Variants in VPS53 observed in about 807,000 individuals in gnomAD.
VPS53 encodes the protein VPS53 subunit of GARP complex.
VPS53 carries 70 observed loss-of-function variants against 107.0 expected under a neutral mutation model. The observed-to-expected ratio is 0.65, with a 90% confidence interval of 0.54 to 0.80. The LOEUF (loss-of-function observed/expected upper bound fraction) is 0.80. VPS53 is among the 30% of genes least tolerant of loss of function. The probability of loss-of-function intolerance (pLI) is 0.00; values close to 1 mark genes in which losing one functional copy is unlikely to be tolerated. For synonymous variants in VPS53, 409 were observed against 393.3 expected, an observed-to-expected ratio of 1.04 and a Z score of -0.47; for missense variants, 917 against 1,049.4, an observed-to-expected ratio of 0.87 and a Z score of 1.74.
At chr17:688,706 T>C (rs1030951017) in intron 4 of VPS53, among the ~76,000 whole-genome samples, 1 of 152,106 alleles carries the variant, frequency 6.6e-6, no homozygotes, top group Non-Finnish European at 1.5e-5. Flanking sequence ...CGGATTCAAC[T>C]TGACAAAGGC....
chr17:711,623 T>A (rs1973645634), intron 1 of VPS53, among the ~76,000 whole-genome samples: 1 of 152,134 alleles, frequency 6.6e-6, no homozygotes, highest in Non-Finnish European at 1.5e-5. Context: ...AACTATTTCC[T>A]CAAGTTGCTC....
At chr17:561,043 G>T (rs1912914625) in intron 14 of VPS53, among the ~76,000 whole-genome samples, 1 of 152,012 alleles carries the variant, frequency 6.6e-6, no homozygotes, top group South Asian at 2.1e-4. Flanking sequence ...TGTGGAGGAG[G>T]ACATAAGTGA....
At chr17:638,473 T>G (rs568502600) in intron 7 of VPS53, among the ~76,000 whole-genome samples, 1 of 152,332 alleles carries the variant, frequency 6.6e-6, no homozygotes, top group Non-Finnish European at 1.5e-5. Flanking sequence ...GTTAGCTGGT[T>G]ATTTTGCTCG....
At chr17:658,863 G>T (rs900030722) in intron 5 of VPS53, among the ~76,000 whole-genome samples, 2 of 152,116 alleles carry the variant, frequency 1.3e-5, no homozygotes, top group Non-Finnish European at 2.9e-5. Flanking sequence ...TGCTCTTTCA[G>T]GGTCTGATCA....
At chr17:581,931 C>T (rs1028880311) in intron 13 of VPS53, among the ~76,000 whole-genome samples, 11 of 150,924 alleles carry the variant, frequency 7.3e-5, no homozygotes, top group African/African-American at 2.2e-4. Context: ...CCCTGAGGAC[C>T]TCAATGTGTT....
At chr17:533,028 T>A (rs1191024984) in intron 18 of VPS53, 117 bp from the exon 19 acceptor site, 2 of 1,457,498 alleles carry the variant, frequency 1.4e-6, no homozygotes, top group East Asian at 2.5e-5. Flanking sequence ...AGAATCGAAG[T>A]GGACTCCACT....
intron 1 of VPS53, among the ~76,000 whole-genome samples, chr17:712,372 G>A (rs1973677876): frequency 6.7e-6 from 1 of 150,312 alleles, no homozygotes; most frequent in South Asian, 2.1e-4. Context: ...GGAGAGACGG[G>A]GTTTCACCAT....
intron 4 of VPS53, among the ~76,000 whole-genome samples, chr17:694,551 T>G (rs867341010): frequency 6.6e-6 from 1 of 152,228 alleles, no homozygotes; most frequent in African/African-American, 2.4e-5. Flanking sequence ...CCATTCCAAA[T>G]GTAGGCTGAA....
intron 4 of VPS53, among the ~76,000 whole-genome samples, chr17:662,813 G>A (rs1160206914): frequency 2.0e-5 from 3 of 146,622 alleles, no homozygotes; most frequent in Admixed American, 7.0e-5. Flanking sequence ...AAGAAAAAAA[G>A]AAAGAAAGAG....
intron 2 of VPS53, among the ~76,000 whole-genome samples, chr17:708,313 G>C (rs1006219938): frequency 3.3e-5 from 5 of 152,206 alleles, no homozygotes; most frequent in African/African-American, 9.7e-5. Flanking sequence ...ACATGTCCAC[G>C]TGACAGGGGG....
At chr17:551,805 A>C in intron 17 of VPS53, 67 bp downstream of exon 17, 3 of 1,374,506 alleles carry the variant, frequency 2.2e-6, no homozygotes, top group Non-Finnish European at 3.0e-6. Context: ...GCTACAGACA[A>C]GGGCCAGTAG....
chr17:578,444 TC>T (rs1914841018), intron 13 of VPS53, among the ~76,000 whole-genome samples: 1 of 148,516 alleles, frequency 6.7e-6, no homozygotes, highest in East Asian at 2.0e-4. Flanking sequence ...CCAGACAACT[TC>T]CCTCAGAACC....
intron 13 of VPS53, among the ~76,000 whole-genome samples, chr17:579,128 A>G (rs1204434512): frequency 6.6e-6 from 1 of 150,630 alleles, no homozygotes; most frequent in African/African-American, 2.5e-5. Flanking sequence ...AACATCCCTC[A>G]GAACCTAATG....
At chr17:540,924 T>C (rs940924066) in intron 17 of VPS53, among the ~76,000 whole-genome samples, 1 of 152,178 alleles carries the variant, frequency 6.6e-6, no homozygotes, top group Non-Finnish European at 1.5e-5. Flanking sequence ...GAGTCTACTG[T>C]AGCAGGAACT....
intron 4 of VPS53, among the ~76,000 whole-genome samples, chr17:693,721 G>T (rs1267044004): frequency 6.6e-6 from 1 of 152,234 alleles, no homozygotes; most frequent in East Asian, 1.9e-4. Context: ...GCAGGACCCT[G>T]TCCCTAACAT....
chr17:613,722 C>A (rs1475993663), intron 11 of VPS53, among the ~76,000 whole-genome samples: 2 of 151,238 alleles, frequency 1.3e-5, no homozygotes, highest in Non-Finnish European at 2.9e-5. Flanking sequence ...TGAGTTCACA[C>A]AGTGAAAACC....
intron 11 of VPS53, among the ~76,000 whole-genome samples, chr17:604,912 G>C (rs576534291): frequency 1.3e-5 from 2 of 152,306 alleles, no homozygotes; most frequent in African/African-American, 4.8e-5. Context: ...CAGTGAGAAA[G>C]ACAGGCCAGC....
intron 13 of VPS53, among the ~76,000 whole-genome samples, chr17:576,084 C>T (rs1914582142): frequency 6.6e-6 from 1 of 150,780 alleles, no homozygotes; most frequent in African/African-American, 2.4e-5. Flanking sequence ...AAATGAGTTC[C>T]GAAAAACCAC....
chr17:515,796 C>T lies in VPS53; in HGVS notation c.*3332G>A, dbSNP rs1052788175. On this transcript the variant is annotated 3_prime_UTR_variant, in exon 22 of 22. Transcript: ENST00000437048. Reference sequence around the variant, plus strand: ...ATCCTGGGCATGGTCCCCACCACCACCAAAAGTCTTTTTTTTTTAACTGAG... The same window carrying T: ...ATCCTGGGCATGGTCCCCACCACCATCAAAAGTCTTTTTTTTTTAACTGAG... 1.3e-5 allele frequency: 2 copies of T among 149,804 alleles called. No homozygotes were observed. Among genetic ancestry groups the T allele is most frequent in the African/African-American group, 2.4e-5 (1 of 40,990 alleles). The allele number at this position is 149,804 out of a possible 1,614,324, so 9.3% of individuals were successfully genotyped here.
Sources: allele counts gnomAD v4.1 joint callset (sites outside exome capture counted in the v4.1 genomes callset), GRCh38; gene constraint gnomAD v4.1.1; transcripts MANE v1.5; gene names NCBI Gene and HGNC (gene_info 2026-07-23, HGNC 2026-07-21).